CHN2: variants seen among roughly 807,000 people sequenced by gnomAD.
CHN2 encodes beta-chimaerin.
CHN2 carries 35 observed loss-of-function variants against 56.3 expected under a neutral mutation model. The ratio of observed to expected loss-of-function variants is 0.62; its 90% CI spans 0.47 to 0.82. The LOEUF is 0.82. CHN2 is among the 40% of genes least tolerant of loss of function. CHN2 has a pLI of 0.00. For missense variants in CHN2, 491 were observed against 580.5 expected (o/e 0.85, Z 1.58); for synonymous variants, 210 against 212.8 (o/e 0.99, Z 0.12).
intron 1 of CHN2, among the ~76,000 whole-genome samples, chr7:29,296,693 C>T (rs946747011): frequency 3.9e-5 from 6 of 152,164 alleles, no homozygotes; most frequent in African/African-American, 1.4e-4. Flanking sequence ...TTTAAAAGTG[C>T]TTCTTTCTCA....
At chr7:29,465,133 T>A (rs1356326573) in intron 6 of CHN2, among the ~76,000 whole-genome samples, 2 of 152,242 alleles carry the variant, frequency 1.3e-5, no homozygotes, top group East Asian at 3.8e-4. Flanking sequence ...TGCAACTTCA[T>A]GTTTATTCTG....
intron 1 of CHN2, among the ~76,000 whole-genome samples, chr7:29,341,760 G>A (rs1797067939): frequency 6.6e-6 from 1 of 152,212 alleles, no homozygotes; most frequent in South Asian, 2.1e-4. Context: ...CATTGAAGCA[G>A]ACCAGACATG....
rs1033933513 is a variant in CHN2, at chr7:29,358,711, G to A, written c.88+4048G>A. Among the ~76,000 whole-genome samples, 4 of 152,160 alleles carry A rather than the reference G, an allele frequency of 2.6e-5. No individual in the cohort carries two copies. In the South Asian group the frequency reaches 6.2e-4, roughly 24 times the overall value. ...GATCTCCTGACCTCGTGATCTGCCC[G>A]CCTCGGCCTCCCAAAGTGCTGGGAT... On this transcript the variant is annotated intron_variant, in intron 2 of 12. Coordinates refer to ENST00000222792, the MANE Select transcript of CHN2 (RefSeq NM_004067.4).
chr7:29,507,764 T>A (rs1355746188), intron 11 of CHN2, among the ~76,000 whole-genome samples: 7 of 152,284 alleles, frequency 4.6e-5, no homozygotes, highest in Admixed American at 4.6e-4. Context: ...GGGCCACACA[T>A]AAAATATACT....
intron 6 of CHN2, among the ~76,000 whole-genome samples, chr7:29,449,588 T>C (rs564716114): frequency 2.6e-5 from 4 of 152,364 alleles, no homozygotes; most frequent in African/African-American, 9.6e-5. Flanking sequence ...ACTTTACAGT[T>C]GCTGATCCTT....
chr7:29,208,116 T>A (rs1784655761), intron 1 of CHN2, among the ~76,000 whole-genome samples: 1 of 152,148 alleles, frequency 6.6e-6, no homozygotes, highest in Non-Finnish European at 1.5e-5. Context: ...TAGATAAACT[T>A]TCTGTTAATT....
chr7:29,508,585 G>A (rs1290005430), intron 11 of CHN2, among the ~76,000 whole-genome samples: 3 of 151,994 alleles, frequency 2.0e-5, no homozygotes, highest in African/African-American at 7.3e-5. Flanking sequence ...CTCCTTCCGG[G>A]GCCCTAGTGG....
rs567347535 is a variant in CHN2 at position 29,353,372 on chromosome 7, A to G, written c.50-1253A>G. On this transcript the variant is annotated intron_variant, in intron 1 of 12. Transcript: ENST00000222792. ...GTGAATGAGTTCAGAAAAGTCTAAC[A>G]GCCAGGCGCAGTGGCTCACGCCTGT... 2.0e-5 allele frequency among the ~76,000 whole-genome samples: 3 copies of G among 152,330 alleles called. No homozygotes were observed. In the South Asian group the frequency reaches 6.2e-4, roughly 32 times the overall value.
At chr7:29,181,912 T>C (rs559012590) in intron 2 of CHN2, among the ~76,000 whole-genome samples, 1 of 152,338 alleles carries the variant, frequency 6.6e-6, no homozygotes, top group East Asian at 1.9e-4. Flanking sequence ...ATATGGATGA[T>C]TTCTTTTTTT....
intron 1 of CHN2, among the ~76,000 whole-genome samples, chr7:29,322,418 G>C (rs1795428512): frequency 6.6e-6 from 1 of 152,182 alleles, no homozygotes; most frequent in Non-Finnish European, 1.5e-5. Context: ...AACAGCCTTT[G>C]CCAAATCTCC....
At chr7:29,487,042 A>G (rs770263595) in intron 7 of CHN2, among the ~76,000 whole-genome samples, 1 of 152,024 alleles carries the variant, frequency 6.6e-6, no homozygotes, top group Non-Finnish European at 1.5e-5. Flanking sequence ...TGTCATTCCC[A>G]GCATTTTGTC....
intron 1 of CHN2, among the ~76,000 whole-genome samples, chr7:29,260,266 C>T (rs750096603): frequency 5.3e-5 from 8 of 152,088 alleles, no homozygotes; most frequent in South Asian, 2.1e-4. Context: ...TATGAGCCAC[C>T]GCACCTGGAT....
chr7:29,389,228 T>C (rs915868056), intron 3 of CHN2, among the ~76,000 whole-genome samples: 1 of 152,230 alleles, frequency 6.6e-6, no homozygotes, highest in African/African-American at 2.4e-5. Flanking sequence ...GAAAATCTTA[T>C]TCTCTTATGA....
At chr7:29,451,298 G>C (rs1452926354) in intron 6 of CHN2, among the ~76,000 whole-genome samples, 1 of 152,080 alleles carries the variant, frequency 6.6e-6, no homozygotes, top group East Asian at 1.9e-4. Context: ...ATGATATCAA[G>C]GCAGGTAAAG....
intron 6 of CHN2, among the ~76,000 whole-genome samples, chr7:29,444,057 T>G (rs940664995): frequency 3.9e-5 from 6 of 152,228 alleles, no homozygotes; most frequent in African/African-American, 1.2e-4. Context: ...TCCAGTAGTT[T>G]AGAATTGTGA....
chr7:29,504,826 G>A lies in CHN2; in HGVS notation c.991+5G>A. On this transcript the variant is annotated splice_donor_5th_base_variant and intron_variant, in intron 10 of 12. Transcript: ENST00000222792. ...TCAAAATGGCATTTGACAGAGGTAA[G>A]CTTGTACTTTCTTGAATGCCATCTG... 2 of 1,607,186 alleles carry A rather than the reference G, an allele frequency of 1.2e-6. No individual in the cohort carries two copies. The highest frequency in any genetic ancestry group is 1.1e-5 in the South Asian group (1 of 90,844).
rs567180263 is a variant in CHN2 at position 29,339,820 on chromosome 7, T to TC, written c.50-14803dup. On this transcript the variant is annotated intron_variant, in intron 1 of 12. Transcript: ENST00000222792. ...GTGAGCCAAGATTGCACCACTGCACTCCAGCCTGGGTGACAAGAATGAAAC... is the reference window on the plus strand; with the variant it reads ...GTGAGCCAAGATTGCACCACTGCACTCCCAGCCTGGGTGACAAGAATGAAAC... Among the ~76,000 whole-genome samples the TC allele has an allele frequency of 2.0e-3, 298 of 151,626 alleles. 1 individual carries two copies. The highest frequency in any genetic ancestry group is 6.4e-3 in the African/African-American group (265 of 41,282).
At chr7:29,397,555 G>C (rs1225500806) in intron 4 of CHN2, 1 of 152,128 alleles carries the variant, frequency 6.6e-6, no homozygotes, top group East Asian at 1.9e-4. Flanking sequence ...AATACTGGTT[G>C]ATCAAATCTC....
chr7:29,149,382 C>T (rs1013558119), intron 2 of CHN2, among the ~76,000 whole-genome samples: 35 of 151,864 alleles, frequency 2.3e-4, no homozygotes, highest in African/African-American at 5.3e-4. Context: ...GTAGTAGACA[C>T]GGGGTTTCAC....
Sources: allele counts gnomAD v4.1 joint callset (sites outside exome capture counted in the v4.1 genomes callset), GRCh38; gene constraint gnomAD v4.1.1; transcripts MANE v1.5; gene names NCBI Gene and HGNC (gene_info 2026-07-23, HGNC 2026-07-21).